Variants in TLN2 observed in about 807,000 individuals in gnomAD.
TLN2 encodes talin-2.
In TLN2, 118 loss-of-function variants were observed where a neutral mutation model predicts 294.7. The ratio of observed to expected loss-of-function variants is 0.40; its 90% CI spans 0.34 to 0.47. The LOEUF is 0.47. Ranked by LOEUF, TLN2 falls within the 20% of genes least tolerant of loss-of-function variation. The pLI, the probability that TLN2 is intolerant of heterozygous loss-of-function variation, is 0.84. For synonymous variants in TLN2, 1,431 were observed against 1,304.5 expected, an observed-to-expected ratio of 1.10 and a Z score of -2.09; for missense variants, 3,083 against 3,282.2, an observed-to-expected ratio of 0.94 and a Z score of 1.48.
At chr15:62,587,841 T>A (rs2045740896) in intron 1 of TLN2, among the ~76,000 whole-genome samples, 1 of 152,232 alleles carries the variant, frequency 6.6e-6, no homozygotes, top group African/African-American at 2.4e-5. Flanking sequence ...TTTGTCATCT[T>A]TACCAATCTG....
chr15:62,415,566 G>A (rs2034024643), intron 1 of TLN2, among the ~76,000 whole-genome samples: 2 of 151,786 alleles, frequency 1.3e-5, no homozygotes, highest in Admixed American at 6.6e-5. Flanking sequence ...AGCTAACAGT[G>A]CCCATTCATT....
At chr15:62,461,290 G>A (rs2036791342) in intron 1 of TLN2, among the ~76,000 whole-genome samples, 1 of 152,030 alleles carries the variant, frequency 6.6e-6, no homozygotes, top group Admixed American at 6.5e-5. Context: ...TGCCCAGTGT[G>A]TCCTCTTGTT....
At chr15:62,731,734 T>G (rs2060739196) in intron 28 of TLN2, among the ~76,000 whole-genome samples, 1 of 152,208 alleles carries the variant, frequency 6.6e-6, no homozygotes, top group Non-Finnish European at 1.5e-5. Flanking sequence ...ACTCACTCCT[T>G]CATTTCAAGA....
At chr15:62,698,674 T>C in intron 15 of TLN2, 80 bp from the exon 16 acceptor site, 3 of 1,154,404 alleles carry the variant, frequency 2.6e-6, no homozygotes, top group Non-Finnish European at 2.6e-6. Context: ...TGCAGAGTTC[T>C]GTTTTGCTTT....
At chr15:62,745,951 C>T (rs1272935237) in intron 32 of TLN2, among the ~76,000 whole-genome samples, 2 of 152,314 alleles carry the variant, frequency 1.3e-5, no homozygotes, top group South Asian at 2.1e-4. Context: ...CGATGCTGTG[C>T]TGGCACTTTT....
At chr15:62,748,230 TCTC>T (rs2061722884) in intron 32 of TLN2, 118 bp from the exon 33 acceptor site, 2 of 734,276 alleles carry the variant, frequency 2.7e-6, no homozygotes, top group Admixed American at 5.0e-5. Context: ...GCAGAAGAGT[TCTC>T]CTGGGGACCC....
intron 41 of TLN2, 123 bp from the exon 42 acceptor site, chr15:62,770,841 G>A: frequency 8.3e-7 from 1 of 1,203,606 alleles, no homozygotes; most frequent in South Asian, 1.8e-5. Flanking sequence ...AATTGCAGCA[G>A]ATCTGCCTCT....
At chr15:62,391,128 G>A (rs2032044409) in intron 1 of TLN2, among the ~76,000 whole-genome samples, 1 of 152,224 alleles carries the variant, frequency 6.6e-6, no homozygotes, top group South Asian at 2.1e-4. Context: ...CGCCAGAAGA[G>A]TTGGCGCTGG....
At chr15:62,713,919 G>A (rs879257431) in intron 22 of TLN2, among the ~76,000 whole-genome samples, 53,617 of 117,234 alleles carry the variant, frequency 0.46, 14,001 homozygotes, top group Non-Finnish European at 0.61. Context: ...TATATATGCT[G>A]TGTGTGTGTA....
intron 1 of TLN2, among the ~76,000 whole-genome samples, chr15:62,511,148 T>C (rs2039912830): frequency 6.6e-6 from 1 of 152,248 alleles, no homozygotes; most frequent in East Asian, 1.9e-4. Flanking sequence ...TTGATAAGGC[T>C]GAACTAGGAT....
At chr15:62,467,228 A>G (rs1003932147) in intron 1 of TLN2, among the ~76,000 whole-genome samples, 12 of 152,206 alleles carry the variant, frequency 7.9e-5, no homozygotes, top group Non-Finnish European at 2.9e-5. Flanking sequence ...CAGGTCACCA[A>G]ACATAATTGA....
intron 1 of TLN2, among the ~76,000 whole-genome samples, chr15:62,561,926 C>A (rs971497070): frequency 2.0e-5 from 3 of 152,122 alleles, no homozygotes; most frequent in Admixed American, 1.3e-4. Context: ...CCTTCCTGGA[C>A]TGTCCCTGAG....
intron 2 of TLN2, among the ~76,000 whole-genome samples, chr15:62,602,331 T>G (rs113956720): frequency 0.034 from 5,103 of 152,324 alleles, 190 homozygotes; most frequent in African/African-American, 0.091. Context: ...CACAACAGTA[T>G]ATTCGAAAGA....
chr15:62,690,829 A>T (rs1171705593), intron 12 of TLN2, among the ~76,000 whole-genome samples: 1 of 151,574 alleles, frequency 6.6e-6, no homozygotes, highest in East Asian at 1.9e-4. Flanking sequence ...CGGCCAACAC[A>T]GCGAAACCCC....
Position 62,761,688 on chromosome 15 carries a change from A to G in TLN2, c.4646A>G (p.Asp1549Gly). ...ANLVKTIKALDGDFSEDNRNK... is the reference protein window; with the variant it reads ...ANLVKTIKALGGDFSEDNRNK... Reference sequence around the variant, plus strand: ...CCTGTTTTCTCCCATCAGGCCCTGGATGGGGATTTCTCTGAAGACAACCGC... The same window carrying G: ...CCTGTTTTCTCCCATCAGGCCCTGGGTGGGGATTTCTCTGAAGACAACCGC... Residue 1549 changes from aspartate (D) to glycine (G), a missense_variant, in exon 38 of 59, where the codon GAT (aspartate) becomes GGT (glycine). Physicochemically the swap from Asp to Gly is moderately conservative, Grantham distance 94. Coordinates refer to ENST00000636159, the MANE Select transcript of TLN2 (RefSeq NM_015059.3). 6.2e-7 allele frequency: 1 copy of G among 1,614,082 alleles called. No homozygotes were observed. Among genetic ancestry groups the G allele is most frequent in the Non-Finnish European group, 8.5e-7 (1 of 1,180,000 alleles).
rs34488115 is a variant in TLN2, at chr15:62,486,015, T to TAA, written c.-238+95339_-238+95340dup. Among the ~76,000 whole-genome samples the TAA allele has an allele frequency of 2.6e-3, 389 of 150,722 alleles. 4 individuals are homozygous for TAA. The highest frequency in any genetic ancestry group is 9.0e-3 in the African/African-American group (370 of 41,086). On this transcript the variant is annotated intron_variant, in intron 1 of 58. Transcript: ENST00000636159. ...TGATTTCAAACTTACAGAAAAGTTG[T>TAA]AAAAAAAAAATACAAAGAATTTCTA...
intron 1 of TLN2, among the ~76,000 whole-genome samples, chr15:62,485,440 G>C (rs146718247): frequency 1.3e-5 from 2 of 152,286 alleles, no homozygotes; most frequent in East Asian, 1.9e-4. Context: ...TCCGTCTCAG[G>C]CTGCATCCTT....
At chr15:62,666,106 T>C (rs1596572545) in intron 9 of TLN2, among the ~76,000 whole-genome samples, 1 of 152,184 alleles carries the variant, frequency 6.6e-6, no homozygotes, top group East Asian at 1.9e-4. Flanking sequence ...CCCTGAGCTG[T>C]CTCTGAGTTC....
At chr15:62,827,874 G>A (rs1313342366) in intron 54 of TLN2, 1 of 152,200 alleles carries the variant, frequency 6.6e-6, no homozygotes, top group Non-Finnish European at 1.5e-5. Flanking sequence ...AGGTTAGGAG[G>A]GGAAGTAGGC....
Sources: allele counts gnomAD v4.1 joint callset (sites outside exome capture counted in the v4.1 genomes callset), GRCh38; gene constraint gnomAD v4.1.1; transcripts MANE v1.5; gene names NCBI Gene and HGNC (gene_info 2026-07-23, HGNC 2026-07-21).